ASTN2: variants seen among roughly 807,000 people sequenced by gnomAD.
The protein encoded by ASTN2 is astrotactin 2.
In ASTN2, 54 loss-of-function variants were observed where a neutral mutation model predicts 139.8. The observed-to-expected ratio is 0.39, with a 90% CI of 0.31 to 0.48. ASTN2 has a LOEUF of 0.48. Ranked by LOEUF, ASTN2 falls within the 20% of genes least tolerant of loss-of-function variation. The probability of loss-of-function intolerance (pLI) is 0.95; values close to 1 mark genes in which losing one functional copy is unlikely to be tolerated. For synonymous variants in ASTN2, 756 were observed against 719.5 expected (o/e 1.05, Z -0.81); for missense variants, 1,565 against 1,725.1 (o/e 0.91, Z 1.64).
intron 19 of ASTN2, among the ~76,000 whole-genome samples, chr9:116,549,752 T>G (rs1852261393): frequency 6.6e-6 from 1 of 152,188 alleles, no homozygotes; most frequent in Admixed American, 6.5e-5. Context: ...CTTTGTTTGA[T>G]GCCCATTTCC....
intron 10 of ASTN2, among the ~76,000 whole-genome samples, chr9:116,934,398 A>C (rs1310440664): frequency 6.6e-6 from 1 of 152,208 alleles, no homozygotes; most frequent in Non-Finnish European, 1.5e-5. Flanking sequence ...CAACCTTATG[A>C]GGAAGACAAT....
At chr9:116,982,570 TTATTA>T (rs1474941920) in intron 7 of ASTN2, among the ~76,000 whole-genome samples, 12 of 151,822 alleles carry the variant, frequency 7.9e-5, no homozygotes, top group African/African-American at 2.9e-4. Context: ...TAAATTATCA[TTATTA>T]TTTTTTTAGA....
rs113880012 is a variant in ASTN2, at chr9:116,607,672, C to A, written c.3355+10652G>T. ...ACTGCCCACACCATTAAGAAATTAA[C>A]ACACACACACACACACACACACACA... is the stretch of plus-strand genomic sequence containing the variant. On this transcript the variant is annotated intron_variant, in intron 19 of 22. Coordinates refer to ENST00000313400, the MANE Select transcript of ASTN2 (RefSeq NM_001365068.1). Among the ~76,000 whole-genome samples, 19 of 3,148 alleles carry A rather than the reference C, an allele frequency of 6.0e-3. 1 individual carries two copies. Among genetic ancestry groups the A allele is most frequent in the Non-Finnish European group, 7.8e-3 (13 of 1,660 alleles). 2.1% of individuals were successfully genotyped at this position (3,148 alleles called of 152,430 possible). A position where few individuals can be genotyped will look rare whatever the true frequency, so the allele number is the denominator to read the frequency against.
rs34860380 is a variant in ASTN2, at chr9:116,478,991, CAAAAAAAAAAAAAAA to C, written c.3497+8353_3497+8367del. 2.9e-3 allele frequency among the ~76,000 whole-genome samples: 175 copies of C among 61,030 alleles called. 2 individuals are homozygous for C. The highest frequency in any genetic ancestry group is 4.4e-3 in the Non-Finnish European group (156 of 35,370). The allele number at this position is 61,030 out of a possible 152,430, so 40.0% of individuals were successfully genotyped here. A position where few individuals can be genotyped will look rare whatever the true frequency, so the allele number is the denominator to read the frequency against. On this transcript the variant is annotated intron_variant, in intron 20 of 22. Transcript: ENST00000313400. ...TGGGCGACAGAAGGAGACTGTGCCT[CAAAAAAAAAAAAAAA>C]AAAAAAAAAAAAGGGAAATGCACAG...
chr9:116,700,016 G>C lies in ASTN2; in HGVS notation c.2806+25755C>G, dbSNP rs1434937610. ...GAGCCACTTTAGCCCTTTGTGCCAT[G>C]TTTGAAATTTGCCCTTGTATTAAAT... On this transcript the variant is annotated intron_variant, in intron 16 of 22. Coordinates refer to ENST00000313400, the MANE Select transcript of ASTN2 (RefSeq NM_001365068.1). 1.9e-5 allele frequency: 8 copies of C among 415,810 alleles called. No homozygotes were observed. The highest frequency in any genetic ancestry group is 3.6e-5 in the Non-Finnish European group (8 of 222,178). The allele number at this position is 415,810 out of a possible 1,614,324, so 25.8% of individuals were successfully genotyped here. A position where few individuals can be genotyped will look rare whatever the true frequency, so the allele number is the denominator to read the frequency against.
intron 19 of ASTN2, among the ~76,000 whole-genome samples, chr9:116,610,183 T>C (rs866874968): frequency 5.3e-5 from 8 of 152,116 alleles, no homozygotes; most frequent in Admixed American, 3.3e-4. Flanking sequence ...ATATAAATGG[T>C]CTAAACACCC....
chr9:117,331,491 T>C lies in ASTN2; in HGVS notation c.443-39978A>G, dbSNP rs545317420. Among the ~76,000 whole-genome samples the C allele has an allele frequency of 1.3e-3, 205 of 152,282 alleles. 1 individual carries two copies. Among genetic ancestry groups the C allele is most frequent in the African/African-American group, 4.8e-3 (199 of 41,562 alleles). ...ATTAAATTGGGCTCCGAGGGTTAAA[T>C]ATAACAAGCCATACCCTCCTGAAGG... On this transcript the variant is annotated intron_variant, in intron 1 of 22. Coordinates refer to ENST00000313400, the MANE Select transcript of ASTN2 (RefSeq NM_001365068.1).
intron 1 of ASTN2, among the ~76,000 whole-genome samples, chr9:117,399,951 C>G: frequency 6.6e-6 from 1 of 152,196 alleles, no homozygotes; most frequent in East Asian, 1.9e-4. Flanking sequence ...GGCAGTATGG[C>G]CAAACATAAT....
At chr9:117,018,520 T>C (rs1338945361) in intron 6 of ASTN2, among the ~76,000 whole-genome samples, 1 of 152,148 alleles carries the variant, frequency 6.6e-6, no homozygotes, top group Non-Finnish European at 1.5e-5. Flanking sequence ...CTTGTGTCAG[T>C]GTGTGTATGT....
intron 13 of ASTN2, among the ~76,000 whole-genome samples, chr9:116,757,738 C>G (rs746647478): frequency 5.3e-5 from 8 of 152,204 alleles, no homozygotes; most frequent in African/African-American, 1.9e-4. Flanking sequence ...CTGTCTCCCC[C>G]GCACATAGGA....
chr9:117,256,327 G>T (rs558246025), intron 2 of ASTN2, among the ~76,000 whole-genome samples: 22 of 152,266 alleles, frequency 1.4e-4, no homozygotes, highest in African/African-American at 4.8e-4. Context: ...ATCTGCAGCT[G>T]GTGCAGTCCT....
intron 19 of ASTN2, among the ~76,000 whole-genome samples, chr9:116,505,337 G>A (rs918072160): frequency 1.3e-5 from 2 of 151,934 alleles, no homozygotes; most frequent in Non-Finnish European, 2.9e-5. Context: ...TTTCCCTGGT[G>A]CCCAGCTCGC....
chr9:116,581,353 T>C (rs7867273), intron 19 of ASTN2, among the ~76,000 whole-genome samples: 3,444 of 152,234 alleles, frequency 0.023, 135 homozygotes, highest in African/African-American at 0.078. Flanking sequence ...CTCCAATCAG[T>C]TGACCACTAC....
At chr9:116,926,363 T>A (rs539286512) in intron 10 of ASTN2, among the ~76,000 whole-genome samples, 6 of 152,342 alleles carry the variant, frequency 3.9e-5, no homozygotes, top group African/African-American at 1.4e-4. Context: ...TTCTTTTTGG[T>A]GCATAGATCT....
intron 20 of ASTN2, among the ~76,000 whole-genome samples, chr9:116,478,232 GGGGAGGGAGGGA>G (rs1204435176): frequency 1.9e-5 from 2 of 103,416 alleles, no homozygotes; most frequent in Admixed American, 9.7e-5. Flanking sequence ...GGGAGTAAGG[GGGGAGGGAGGGA>G]GGGAGGGAGG....
intron 1 of ASTN2, among the ~76,000 whole-genome samples, chr9:117,330,065 C>A (rs1828651436): frequency 6.6e-6 from 1 of 152,150 alleles, no homozygotes; most frequent in Non-Finnish European, 1.5e-5. Flanking sequence ...GACTCCACAG[C>A]CCTTACACTT....
At chr9:117,120,311 G>A (rs1461708716) in intron 4 of ASTN2, among the ~76,000 whole-genome samples, 1 of 151,864 alleles carries the variant, frequency 6.6e-6, no homozygotes, top group Non-Finnish European at 1.5e-5. Context: ...CCCACTTTCT[G>A]GACCTGAACC....
chr9:117,215,003 C>T (rs1832267268), intron 2 of ASTN2, among the ~76,000 whole-genome samples: 1 of 152,132 alleles, frequency 6.6e-6, no homozygotes, highest in South Asian at 2.1e-4. Context: ...AGTAGGAATC[C>T]CTGCTCTTCC....
chr9:116,910,709 G>A (rs377737645), intron 10 of ASTN2, among the ~76,000 whole-genome samples: 25 of 152,254 alleles, frequency 1.6e-4, no homozygotes, highest in African/African-American at 5.3e-4. Flanking sequence ...CAGAAAAGAA[G>A]GGTTTGGATG....
Sources: allele counts gnomAD v4.1 joint callset (sites outside exome capture counted in the v4.1 genomes callset), GRCh38; gene constraint gnomAD v4.1.1; transcripts MANE v1.5; gene names NCBI Gene and HGNC (gene_info 2026-07-23, HGNC 2026-07-21).